GRID2IP: variants seen among roughly 807,000 people sequenced by gnomAD.
The protein encoded by GRID2IP is Grid2 interacting protein, also known as delphilin.
In GRID2IP, 78 loss-of-function variants were observed where a neutral mutation model predicts 114.3. The observed-to-expected ratio is 0.68, with a 90% CI of 0.57 to 0.82. GRID2IP has a LOEUF of 0.82. GRID2IP is among the 40% of genes least tolerant of loss of function. The probability of loss-of-function intolerance (pLI) is 0.00; values close to 1 mark genes in which losing one functional copy is unlikely to be tolerated. For synonymous variants in GRID2IP, 809 were observed against 724.0 expected (o/e 1.12, Z -1.89); for missense variants, 1,727 against 1,678.5 (o/e 1.03, Z -0.51).
At chr7:6,539,120 G>A (rs1414141755) in intron 2 of GRID2IP, among the ~76,000 whole-genome samples, 2 of 141,910 alleles carry the variant, frequency 1.4e-5, no homozygotes, top group South Asian at 2.2e-4. Context: ...GGTGGAGCAG[G>A]GCAGACTGTG....
intron 14 of GRID2IP, among the ~76,000 whole-genome samples, chr7:6,505,535 T>A (rs773186926): frequency 2.0e-5 from 3 of 151,928 alleles, no homozygotes; most frequent in Non-Finnish European, 4.4e-5. Flanking sequence ...CCTGGCTAAT[T>A]TTTTGTATTT....
intron 1 of GRID2IP, among the ~76,000 whole-genome samples, chr7:6,542,306 CAAAAAAAAAA>C (rs56154707): frequency 2.1e-5 from 2 of 95,194 alleles, no homozygotes; most frequent in African/African-American, 3.8e-5. Context: ...AACTCCATCT[CAAAAAAAAAA>C]AAAAAAAAAA....
chr7:6,508,284 T>G lies in GRID2IP; in HGVS notation c.2245A>C (p.Ile749Leu). The G allele has an allele frequency of 1.3e-6, 2 of 1,543,054 alleles. No individual in the cohort carries two copies. The highest frequency in any genetic ancestry group is 2.0e-5 in the Admixed American group (1 of 50,756). The change falls in exon 13 of 22, where the codon ATC becomes CTC. Residue 749 changes from isoleucine (I) to leucine (L), a missense_variant. Coordinates refer to ENST00000457091, the MANE Select transcript of GRID2IP (RefSeq NM_001145118.2). This position sits in a 1 kb window ranked among gnomAD's most constrained non-coding sequence, Gnocchi z 5.6. ...GGGGGGCTGAGCGGGGGTGGGGGGA[T>G]GTGGTCAGAGATGGAGGAGTAGGTC... ...SLTYSSISDH[I>L]PPPPLSPPPP...
intron 1 of GRID2IP, among the ~76,000 whole-genome samples, chr7:6,545,754 C>A (rs775673334): frequency 1.3e-4 from 20 of 152,164 alleles, no homozygotes; most frequent in Admixed American, 4.6e-4. Context: ...GGGACTGAAT[C>A]AAAAAGCAGC....
In GRID2IP at chr7:6,520,466, C is replaced by T; in HGVS notation, c.1268+112G>A. On this transcript the variant is annotated intron_variant, in intron 7 of 21. Coordinates refer to ENST00000457091, the MANE Select transcript of GRID2IP (RefSeq NM_001145118.2). The surrounding 1 kb of genome is among the most constrained non-coding windows in gnomAD (Gnocchi z 4.6). Reference sequence around the variant, plus strand: ...TACCAGCAGCCACCTTCCTGAGCATCCCCCAGGAGAACGGGACTGAGGAGG... The same window carrying T: ...TACCAGCAGCCACCTTCCTGAGCATTCCCCAGGAGAACGGGACTGAGGAGG... 1 of 1,204,478 alleles carries T rather than the reference C, an allele frequency of 8.3e-7. No homozygotes were observed. The highest frequency in any genetic ancestry group is 1.1e-6 in the Non-Finnish European group (1 of 880,708). The allele number at this position is 1,204,478 out of a possible 1,614,324, so 74.6% of individuals were successfully genotyped here.
intron 2 of GRID2IP, among the ~76,000 whole-genome samples, chr7:6,527,556 C>T (rs183383287): frequency 6.2e-4 from 95 of 152,266 alleles, no homozygotes; most frequent in African/African-American, 2.1e-3. Context: ...CGTGGGTCTC[C>T]GCTGCAGGGC....
intron 20 of GRID2IP, among the ~76,000 whole-genome samples, chr7:6,498,485 C>T (rs1424223111): frequency 6.6e-6 from 1 of 151,978 alleles, no homozygotes; most frequent in Non-Finnish European, 1.5e-5. Context: ...GGGCCAGGCC[C>T]TGGGTCTCTG....
chr7:6,521,943 T>C lies in GRID2IP; in HGVS notation c.934A>G (p.Asn312Asp), dbSNP rs1779420652. 6.4e-7 allele frequency: 1 copy of C among 1,551,148 alleles called. No individual in the cohort carries two copies. The highest frequency in any genetic ancestry group is 8.7e-7 in the Non-Finnish European group (1 of 1,146,760). Residue 312 changes from asparagine (N) to aspartate (D), a missense_variant, in exon 5 of 22, where the codon AAT becomes GAT. Physicochemically the swap from Asn to Asp is conservative, Grantham distance 23. Coordinates refer to ENST00000457091, the MANE Select transcript of GRID2IP (RefSeq NM_001145118.2). The surrounding 1 kb of genome is among the most constrained non-coding windows in gnomAD (Gnocchi z 4.1). Reference sequence around the variant, plus strand: ...CGGTCACCTGACTTGAGGGCAGCATTGTCAGCTGGGCTCCCTGGAAGCAAG... The same window carrying C: ...CGGTCACCTGACTTGAGGGCAGCATCGTCAGCTGGGCTCCCTGGAAGCAAG... ...ESVLPGSPAD[N>D]AALKSGDRIL... is the part of the protein sequence containing the mutation.
intron 1 of GRID2IP, among the ~76,000 whole-genome samples, chr7:6,550,334 A>C (rs1303589431): frequency 1.3e-5 from 2 of 152,080 alleles, no homozygotes; most frequent in Non-Finnish European, 2.9e-5. Context: ...GCACGTGGGA[A>C]CATTCTGGTG....
intron 1 of GRID2IP, among the ~76,000 whole-genome samples, chr7:6,546,968 T>G (rs1779898323): frequency 6.6e-6 from 1 of 152,204 alleles, no homozygotes; most frequent in South Asian, 2.1e-4. Flanking sequence ...CCCTCTTTCC[T>G]GGACACACAT....
rs929446366 is a variant in GRID2IP, at chr7:6,506,358, C to A, written c.2545-451G>T. Among the ~76,000 whole-genome samples the A allele has an allele frequency of 6.6e-6, 1 of 152,070 alleles. No homozygotes were observed. The highest frequency in any genetic ancestry group is 1.5e-5 in the Non-Finnish European group (1 of 68,012). On this transcript the variant is annotated intron_variant, in intron 13 of 21. Transcript: ENST00000457091. The surrounding 1 kb of genome is among the most constrained non-coding windows in gnomAD (Gnocchi z 5.2). ...CAGCCTAGGGGCCAGACGCTGGACACGTGGCTGTGATGAATGGCATAGATG... is the reference window on the plus strand; with the variant it reads ...CAGCCTAGGGGCCAGACGCTGGACAAGTGGCTGTGATGAATGGCATAGATG...
chr7:6,504,717 A>C (rs1256396271), intron 15 of GRID2IP, 76 bp downstream of exon 15: 9 of 1,142,010 alleles, frequency 7.9e-6, no homozygotes, highest in Non-Finnish European at 1.1e-5. Context: ...TCTGTCATCC[A>C]CCTGGGCAGG....
Position 6,521,971 on chromosome 7 carries a change from G to C in GRID2IP, c.920-14C>G. 6.5e-7 allele frequency: 1 copy of C among 1,549,784 alleles called. No homozygotes were observed. Among genetic ancestry groups the C allele is most frequent in the Non-Finnish European group, 8.7e-7 (1 of 1,145,412 alleles). On this transcript the variant is annotated splice_polypyrimidine_tract_variant and intron_variant, in intron 4 of 21. Coordinates refer to ENST00000457091, the MANE Select transcript of GRID2IP (RefSeq NM_001145118.2). The surrounding 1 kb of genome is among the most constrained non-coding windows in gnomAD (Gnocchi z 4.1). ...CAGCTGGGCTCCCTGGAAGCAAGAA[G>C]AGAGGGTGTGCCGGTCAGCTGGGCA...
Position 6,508,453 on chromosome 7 carries a change from TAGA to T in GRID2IP, c.2128-55_2128-53del. ...AGGGTGAGGCTGGGCCCAGAGAGAC[TAGA>T]GCAGGTGCAAAGTGAAGGATCATGG... On this transcript the variant is annotated intron_variant, in intron 12 of 21. Transcript: ENST00000457091. The surrounding 1 kb of genome is among the most constrained non-coding windows in gnomAD (Gnocchi z 5.6). 6.5e-7 allele frequency: 1 copy of T among 1,547,978 alleles called. No individual in the cohort carries two copies.
In GRID2IP at chr7:6,510,673, A is replaced by G; in HGVS notation, c.1589T>C (p.Leu530Pro). ...GCCTGCCTGGCGCTCGCCTGGGATCAGGGGAAGAGGCATCTCAGGGCACTC... is the reference window on the plus strand; with the variant it reads ...GCCTGCCTGGCGCTCGCCTGGGATCGGGGGAAGAGGCATCTCAGGGCACTC... Reference protein sequence around the residue: ...PSECPEMPLPLIPGERQAGDG... With the variant: ...PSECPEMPLPPIPGERQAGDG... The change falls in exon 10 of 22, where the codon CTG (leucine) becomes CCG (proline). Residue 530 changes from leucine to proline, a missense_variant. Leu to Pro is a moderately conservative substitution (Grantham distance 98). Transcript: ENST00000457091. The G allele has an allele frequency of 6.5e-7, 1 of 1,543,102 alleles. No individual in the cohort carries two copies. The highest frequency in any genetic ancestry group is 8.7e-7 in the Non-Finnish European group (1 of 1,144,428).
At position 6,522,062 on chromosome 7, in the gene GRID2IP, A is replaced by G. The variant is rs1779423090; in HGVS notation, c.920-105T>C. ...GCGAGAAATGGAGACTCAGAGACCC[A>G]TAGCTTGCCGGGCATGGTGGCTCAC... On this transcript the variant is annotated intron_variant, in intron 4 of 21. Coordinates refer to ENST00000457091, the MANE Select transcript of GRID2IP (RefSeq NM_001145118.2). 3.2e-6 allele frequency: 3 copies of G among 924,988 alleles called. No individual in the cohort carries two copies. The East Asian group carries it at 8.1e-5, about 25-fold the overall frequency. The allele number at this position is 924,988 out of a possible 1,614,324, so 57.3% of individuals were successfully genotyped here. A position where few individuals can be genotyped will look rare whatever the true frequency, so the allele number is the denominator to read the frequency against.
At position 6,514,543 on chromosome 7, in the gene GRID2IP, C is replaced by G; in HGVS notation, c.1269-14G>C. 6.7e-7 allele frequency: 1 copy of G among 1,498,326 alleles called. No individual in the cohort carries two copies. The allele number at this position is 1,498,326 out of a possible 1,614,324, so 92.8% of individuals were successfully genotyped here. On this transcript the variant is annotated splice_polypyrimidine_tract_variant and intron_variant, in intron 7 of 21. Coordinates refer to ENST00000457091, the MANE Select transcript of GRID2IP (RefSeq NM_001145118.2). ...GTGTCGATGTTCCTGGGGGAAGGTG[C>G]AGGAATGTGAGGCTCAATACTCACG... is the stretch of plus-strand genomic sequence containing the variant.
intron 20 of GRID2IP, 131 bp from the exon 21 acceptor site, chr7:6,498,359 G>T: frequency 2.5e-6 from 2 of 794,606 alleles, no homozygotes; most frequent in Non-Finnish European, 3.9e-6. Flanking sequence ...CAGGCCCTGT[G>T]TCCAACAGGG....
rs765337036 is a variant in GRID2IP, at chr7:6,520,802, G to T, written c.1085-41C>A. On this transcript the variant is annotated intron_variant, in intron 6 of 21. Transcript: ENST00000457091. The surrounding 1 kb of genome is among the most constrained non-coding windows in gnomAD (Gnocchi z 4.6). ...GCGGGAGAGGCATGAGTGACTCAGA[G>T]TCCCCAGGCCAGGTGTAGTCTCCCT... is the stretch of plus-strand genomic sequence containing the variant. 1 of 1,526,626 alleles carries T rather than the reference G, an allele frequency of 6.6e-7. No individual in the cohort carries two copies. Among genetic ancestry groups the T allele is most frequent in the South Asian group, 1.2e-5 (1 of 82,228 alleles). 94.6% of individuals were successfully genotyped at this position (1,526,626 alleles called of 1,614,324 possible).
Sources: allele counts gnomAD v4.1 joint callset (sites outside exome capture counted in the v4.1 genomes callset), GRCh38; gene constraint gnomAD v4.1.1; non-coding constraint Gnocchi (gnomAD v3.1); transcripts MANE v1.5; gene names NCBI Gene and HGNC (gene_info 2026-07-23, HGNC 2026-07-21).